The following TSHZ2 variants were observed in gnomAD, a reference collection of about 807,000 sequenced individuals.
The protein encoded by TSHZ2 is teashirt zinc finger homeobox 2.
TSHZ2 carries 21 observed loss-of-function variants against 74.4 expected under a neutral mutation model. The ratio of observed to expected loss-of-function variants is 0.28; its 90% CI spans 0.20 to 0.41. The LOEUF is 0.41. Among genes scored for constraint, TSHZ2 ranks in the 10% least tolerant of loss-of-function variants. The probability of loss-of-function intolerance (pLI) is 1.00; values close to 1 mark genes in which losing one functional copy is unlikely to be tolerated. For synonymous variants in TSHZ2, 540 were observed against 515.3 expected (o/e 1.05, Z -0.65); for missense variants, 1,244 against 1,293.5 (o/e 0.96, Z 0.59).
At chr20:53,352,705 C>T (rs184073693) in intron 2 of TSHZ2, among the ~76,000 whole-genome samples, 41 of 148,220 alleles carry the variant, frequency 2.8e-4, no homozygotes, top group Non-Finnish European at 5.5e-4. Flanking sequence ...ACTTGGGAGG[C>T]GGAGGCTGCA....
intron 2 of TSHZ2, among the ~76,000 whole-genome samples, chr20:53,392,210 C>A (rs1333431489): frequency 6.6e-6 from 1 of 152,050 alleles, no homozygotes; most frequent in East Asian, 1.9e-4. Flanking sequence ...ATCCCAGCAC[C>A]AAGGCAGGTG....
chr20:53,340,307 G>T (rs576584337), intron 2 of TSHZ2, among the ~76,000 whole-genome samples: 2 of 147,926 alleles, frequency 1.4e-5, no homozygotes, highest in East Asian at 4.1e-4. Flanking sequence ...CTCAGCCTCC[G>T]AGTAGCTGGG....
chr20:53,364,313 T>C (rs1981177544), intron 2 of TSHZ2, among the ~76,000 whole-genome samples: 1 of 152,192 alleles, frequency 6.6e-6, no homozygotes, highest in Non-Finnish European at 1.5e-5. Context: ...CCCGGAGAGC[T>C]GCTAGCAACA....
intron 2 of TSHZ2, among the ~76,000 whole-genome samples, chr20:53,362,871 A>G (rs1981119803): frequency 6.6e-6 from 1 of 152,232 alleles, no homozygotes. Flanking sequence ...GACTATGTGC[A>G]TAGCCCACTC....
At chr20:53,281,287 C>T (rs1991056399) in intron 2 of TSHZ2, among the ~76,000 whole-genome samples, 1 of 152,120 alleles carries the variant, frequency 6.6e-6, no homozygotes, top group East Asian at 1.9e-4. Flanking sequence ...TCCACTGAGT[C>T]AAGGAATGAG....
At chr20:53,163,255 T>G (rs544450982) in intron 1 of TSHZ2, among the ~76,000 whole-genome samples, 2 of 151,784 alleles carry the variant, frequency 1.3e-5, no homozygotes, top group Admixed American at 6.6e-5. Context: ...GGACTTACCC[T>G]CCTCTAGTAA....
At chr20:53,067,913 G>A (rs989642853) in intron 1 of TSHZ2, among the ~76,000 whole-genome samples, 1 of 152,170 alleles carries the variant, frequency 6.6e-6, no homozygotes, top group Non-Finnish European at 1.5e-5. Context: ...TGAAGGCTCT[G>A]GGGAGGACCC....
chr20:53,315,860 A>T (rs771656108), intron 2 of TSHZ2, among the ~76,000 whole-genome samples: 4 of 152,176 alleles, frequency 2.6e-5, no homozygotes, highest in Admixed American at 6.5e-5. Context: ...CTACGTTGGT[A>T]TGAGAAATAC....
intron 1 of TSHZ2, among the ~76,000 whole-genome samples, chr20:53,092,084 C>T (rs1985901700): frequency 2.0e-5 from 3 of 151,794 alleles, no homozygotes; most frequent in Admixed American, 2.0e-4. Flanking sequence ...TGTTTGTTTC[C>T]CAGAGGAGGG....
Position 53,182,165 on chromosome 20 carries a change from TCTTTCTTTCTTCCTTCC to T in TSHZ2, c.41-71333_41-71317del, listed in dbSNP as rs1157536117. The stretch of plus-strand genomic sequence containing the variant: ...TCTCCCTCCCTCCCTCTCTTCCTTT[TCTTTCTTTCTTCCTTCC>T]TTTTCTTTCTTTCTTCTTCTCTTCC... On this transcript the variant is annotated intron_variant, in intron 1 of 2. Coordinates refer to ENST00000371497, the MANE Select transcript of TSHZ2 (RefSeq NM_173485.6). Among the ~76,000 whole-genome samples the T allele has an allele frequency of 1.0e-4, 9 of 88,728 alleles. No homozygotes were observed. In the East Asian group the frequency reaches 3.6e-3, roughly 35 times the overall value. 58.2% of individuals were successfully genotyped at this position (88,728 alleles called of 152,430 possible). A position where few individuals can be genotyped will look rare whatever the true frequency, so the allele number is the denominator to read the frequency against.
intron 1 of TSHZ2, among the ~76,000 whole-genome samples, chr20:53,098,222 T>C (rs1986113167): frequency 6.6e-6 from 1 of 152,220 alleles, no homozygotes; most frequent in Non-Finnish European, 1.5e-5. Flanking sequence ...ACTCAATAAA[T>C]ACTGGTTGAC....
intron 2 of TSHZ2, among the ~76,000 whole-genome samples, chr20:53,330,511 G>A (rs1295645786): frequency 1.3e-5 from 2 of 152,170 alleles, no homozygotes; most frequent in South Asian, 2.1e-4. Flanking sequence ...CTAAGAGTCC[G>A]ATATGATCCA....
At chr20:53,351,737 A>C (rs969974113) in intron 2 of TSHZ2, among the ~76,000 whole-genome samples, 2 of 152,214 alleles carry the variant, frequency 1.3e-5, no homozygotes, top group Non-Finnish European at 2.9e-5. Context: ...GTCTCATCCA[A>C]ACATGAAATC....
At chr20:53,070,828 G>A (rs1248296819) in intron 1 of TSHZ2, among the ~76,000 whole-genome samples, 1 of 152,178 alleles carries the variant, frequency 6.6e-6, no homozygotes, top group African/African-American at 2.4e-5. Context: ...CATTGCTACA[G>A]CTTCCGGTAA....
At chr20:53,353,666 G>A (rs960560689) in intron 2 of TSHZ2, among the ~76,000 whole-genome samples, 4 of 152,128 alleles carry the variant, frequency 2.6e-5, no homozygotes, top group South Asian at 2.1e-4. Flanking sequence ...ACACATATAC[G>A]TGATTAATTC....
intron 1 of TSHZ2, among the ~76,000 whole-genome samples, chr20:53,089,068 GC>G: frequency 6.6e-6 from 1 of 151,818 alleles, no homozygotes; most frequent in South Asian, 2.1e-4. Context: ...CCTCCTCCTC[GC>G]CCCTGGCGCT....
At position 53,487,766 on chromosome 20, in the gene TSHZ2, T is replaced by G. The variant is rs1986331485; in HGVS notation, c.*631T>G. 1 of 152,194 alleles carries G rather than the reference T, an allele frequency of 6.6e-6. No individual in the cohort carries two copies. The highest frequency in any genetic ancestry group is 2.4e-5 in the African/African-American group (1 of 41,444). 9.4% of individuals were successfully genotyped at this position (152,194 alleles called of 1,614,324 possible). On this transcript the variant is annotated 3_prime_UTR_variant, in exon 3 of 3. Transcript: ENST00000371497. ...AAGAATTATTAAGTTAAACCAGAGT[T>G]TGAGCCAAGAAAACCCCTGAACAAT... is the stretch of plus-strand genomic sequence containing the variant.
intron 2 of TSHZ2, among the ~76,000 whole-genome samples, chr20:53,278,534 C>T (rs1990989708): frequency 1.3e-5 from 2 of 152,194 alleles, no homozygotes; most frequent in Non-Finnish European, 2.9e-5. Context: ...TCTCTACTTA[C>T]TACCCTGCCC....
At chr20:53,460,414 C>G (rs1985309930) in intron 2 of TSHZ2, among the ~76,000 whole-genome samples, 1 of 152,212 alleles carries the variant, frequency 6.6e-6, no homozygotes, top group Non-Finnish European at 1.5e-5. Flanking sequence ...CCTTTAAGCA[C>G]TTCTCTGTAT....
Sources: allele counts gnomAD v4.1 joint callset (sites outside exome capture counted in the v4.1 genomes callset), GRCh38; gene constraint gnomAD v4.1.1; transcripts MANE v1.5; gene names NCBI Gene and HGNC (gene_info 2026-07-23, HGNC 2026-07-21).